The following SLC4A5 variants were observed in gnomAD, a reference collection of about 807,000 sequenced individuals.
The protein encoded by SLC4A5 is electrogenic sodium bicarbonate cotransporter 4.
A neutral mutation model predicts 120.4 loss-of-function variants in SLC4A5; 96 were observed. The observed-to-expected ratio is 0.80, with a 90% CI of 0.68 to 0.94. SLC4A5 has a LOEUF of 0.94. SLC4A5 is among the 40% of genes least tolerant of loss of function. The pLI is 0.00. For synonymous variants in SLC4A5, 550 were observed against 571.1 expected (o/e 0.96, Z 0.53); for missense variants, 1,259 against 1,459.5 (o/e 0.86, Z 2.24).
At chr2:74,333,386 A>G (rs1363406751) in intron 4 of SLC4A5, among the ~76,000 whole-genome samples, 2 of 152,216 alleles carry the variant, frequency 1.3e-5, no homozygotes, top group African/African-American at 2.4e-5. Flanking sequence ...AGAGGGAGCT[A>G]AAGATTCTTA....
At chr2:74,323,251 G>C (rs1364302580) in intron 5 of SLC4A5, among the ~76,000 whole-genome samples, 4 of 152,024 alleles carry the variant, frequency 2.6e-5, no homozygotes, top group African/African-American at 9.7e-5. Context: ...AAAAAAGAGA[G>C]AGAGAAGATA....
At chr2:74,278,202 C>T (rs772030040) in intron 8 of SLC4A5, among the ~76,000 whole-genome samples, 1 of 152,154 alleles carries the variant, frequency 6.6e-6, no homozygotes, top group Non-Finnish European at 1.5e-5. Flanking sequence ...GAGGTGTTTG[C>T]TCCTGCAGAC....
At chr2:74,232,440 G>A (rs753312598) in intron 24 of SLC4A5, 29 bp downstream of exon 24, 3 of 1,600,866 alleles carry the variant, frequency 1.9e-6, no homozygotes, top group Non-Finnish European at 2.6e-6. Context: ...CTCCCCATTG[G>A]GTGATCCCTA....
At chr2:74,250,713 A>G (rs923650225) in intron 16 of SLC4A5, 196 bp from the exon 17 acceptor site, 2 of 606,698 alleles carry the variant, frequency 3.3e-6, no homozygotes, top group Non-Finnish European at 5.7e-6. Context: ...GGCACCACCC[A>G]CATTGGGAAG....
At chr2:74,264,123 C>T (rs1471251809) in intron 10 of SLC4A5, 24 bp downstream of exon 10, 1 of 1,608,408 alleles carries the variant, frequency 6.2e-7, no homozygotes, top group East Asian at 2.2e-5. Context: ...TGTCCCATGC[C>T]TACCAGCGTA....
At chr2:74,317,499 T>C (rs1253310337) in intron 5 of SLC4A5, among the ~76,000 whole-genome samples, 2 of 151,996 alleles carry the variant, frequency 1.3e-5, no homozygotes, top group Non-Finnish European at 2.9e-5. Flanking sequence ...ACAGGGGAGA[T>C]GGTGGAAAAT....
chr2:74,254,036 AG>A (rs1289949985), intron 14 of SLC4A5, among the ~76,000 whole-genome samples: 6 of 152,212 alleles, frequency 3.9e-5, no homozygotes, highest in Admixed American at 2.0e-4. Flanking sequence ...CGTGGGGAAA[AG>A]TTATCTCAGG....
At chr2:74,284,822 G>A (rs991347896) in intron 8 of SLC4A5, among the ~76,000 whole-genome samples, 2 of 152,068 alleles carry the variant, frequency 1.3e-5, no homozygotes, top group African/African-American at 2.4e-5. Context: ...TCTGCTCTCC[G>A]TATATATGGA....
intron 2 of SLC4A5, among the ~76,000 whole-genome samples, chr2:74,340,475 T>G (rs919164440): frequency 4.6e-5 from 7 of 151,942 alleles, no homozygotes; most frequent in Admixed American, 4.6e-4. Context: ...GGTAGCTTCA[T>G]CCAAGATGGA....
intron 6 of SLC4A5, chr2:74,306,652 CTT>C (rs58494912): frequency 0.049 from 21,442 of 434,180 alleles, 21 homozygotes; most frequent in East Asian, 0.078. Flanking sequence ...TAGTTCATTT[CTT>C]TTTTTTTTTT....
intron 6 of SLC4A5, among the ~76,000 whole-genome samples, chr2:74,312,193 G>C (rs186219158): frequency 6.6e-6 from 1 of 151,890 alleles, no homozygotes; most frequent in East Asian, 1.9e-4. Flanking sequence ...TAATCCATCT[G>C]TATCTATATC....
Position 74,229,104 on chromosome 2 carries a change from C to CTTTTTTTTTTCT in SLC4A5, c.2848-1227_2848-1226insAGAAAAAAAAAA, listed in dbSNP as rs540156785. Among the ~76,000 whole-genome samples, 7 of 98,590 alleles carry CTTTTTTTTTTCT rather than the reference C, an allele frequency of 7.1e-5. 2 individuals carry two copies. Among genetic ancestry groups the CTTTTTTTTTTCT allele is most frequent in the Non-Finnish European group, 1.2e-4 (7 of 56,676 alleles). 64.7% of individuals were successfully genotyped at this position (98,590 alleles called of 152,430 possible). ...AAAGAAGTCTGTTCTTAGATTTGAG[C>CTTTTTTTTTTCT]TTTTTTTTTTTTCTTGAGACAGAGT... On this transcript the variant is annotated intron_variant, in intron 25 of 30. Transcript: ENST00000394019.
chr2:74,329,143 TGTA>T (rs1573109601), intron 4 of SLC4A5, among the ~76,000 whole-genome samples: 1 of 152,118 alleles, frequency 6.6e-6, no homozygotes, highest in Non-Finnish European at 1.5e-5. Context: ...AGGTGTTGGT[TGTA>T]GAAGTAGCAG....
At chr2:74,321,879 G>A (rs1398054081) in intron 5 of SLC4A5, among the ~76,000 whole-genome samples, 1 of 151,854 alleles carries the variant, frequency 6.6e-6, no homozygotes, top group Admixed American at 6.6e-5. Context: ...CTGAGTTTAG[G>A]AATAGTCATG....
At chr2:74,232,529 C>A in exon 24 of SLC4A5, 2 of 1,614,058 alleles carry the variant, frequency 1.2e-6, no homozygotes, top group Non-Finnish European at 1.7e-6. Flanking sequence ...CATCTTGAGG[C>A]TGTCGATGTG....
chr2:74,342,688 T>C (rs532876559), intron 1 of SLC4A5, among the ~76,000 whole-genome samples, 154 bp from the exon 2 acceptor site: 1 of 152,356 alleles, frequency 6.6e-6, no homozygotes, highest in South Asian at 2.1e-4. Context: ...ATAAGAGCTA[T>C]GCAGTCTGTC....
At chr2:74,286,774 G>C (rs1397844498) in intron 7 of SLC4A5, among the ~76,000 whole-genome samples, 1 of 152,182 alleles carries the variant, frequency 6.6e-6, no homozygotes, top group African/African-American at 2.4e-5. Context: ...TCTGAGGAGG[G>C]GACACTGGAG....
intron 8 of SLC4A5, among the ~76,000 whole-genome samples, chr2:74,281,778 C>T (rs749014168): frequency 6.6e-6 from 1 of 152,172 alleles, no homozygotes; most frequent in Non-Finnish European, 1.5e-5. Context: ...TTGAGATTTT[C>T]ACTCTGTTAA....
At chr2:74,303,239 C>T (rs1299372017) in intron 7 of SLC4A5, among the ~76,000 whole-genome samples, 1 of 152,192 alleles carries the variant, frequency 6.6e-6, no homozygotes, top group Non-Finnish European at 1.5e-5. Flanking sequence ...AAGCCACAGG[C>T]CCTGGTCAAC....
Sources: gnomAD v4.1 joint callset for allele counts (sites outside exome capture counted in the v4.1 genomes callset) on GRCh38, gnomAD v4.1.1 for gene constraint, MANE v1.5 for transcripts, NCBI Gene and HGNC (gene_info 2026-07-23, HGNC 2026-07-21) for gene names.